Variants in ACAP2 observed in about 807,000 individuals in gnomAD.
The protein encoded by ACAP2 is arf-GAP with coiled-coil, ANK repeat and PH domain-containing protein 2.
ACAP2 carries 39 observed loss-of-function variants against 115.8 expected under a neutral mutation model. The ratio of observed to expected loss-of-function variants is 0.34; its 90% CI spans 0.26 to 0.44. ACAP2 has a LOEUF of 0.44. Among genes scored for constraint, ACAP2 ranks in the 20% least tolerant of loss-of-function variants. The pLI is 1.00. For missense variants in ACAP2, 662 were observed against 927.6 expected (o/e 0.71, Z 3.72); for synonymous variants, 289 against 315.8 (o/e 0.92, Z 0.90).
intron 7 of ACAP2, among the ~76,000 whole-genome samples, chr3:195,334,309 T>C (rs964026307): frequency 1.3e-5 from 2 of 150,832 alleles, no homozygotes; most frequent in African/African-American, 2.4e-5. Flanking sequence ...ATAGTGATCA[T>C]TGAACAAATT....
chr3:195,380,943 T>A, intron 4 of ACAP2, 66 bp downstream of exon 4: 7 of 1,381,986 alleles, frequency 5.1e-6, no homozygotes, highest in Non-Finnish European at 7.0e-6. Flanking sequence ...TCATAAAACA[T>A]TGCGACTCAA....
chr3:195,437,885 CTTTTTTTTTT>C (rs1186712431), intron 1 of ACAP2, among the ~76,000 whole-genome samples: 2 of 90,746 alleles, frequency 2.2e-5, no homozygotes, highest in Non-Finnish European at 4.0e-5. Flanking sequence ...ACTTTACATG[CTTTTTTTTTT>C]TTTTTTTTTT....
chr3:195,420,799 T>C lies in ACAP2; in HGVS notation c.53+21996A>G, dbSNP rs529562666. Among the ~76,000 whole-genome samples the C allele has an allele frequency of 5.7e-4, 86 of 152,116 alleles. 2 individuals carry two copies. Among genetic ancestry groups the C allele is most frequent in the Admixed American group, 5.2e-4 (8 of 15,270 alleles). On this transcript the variant is annotated intron_variant, in intron 1 of 22. Coordinates refer to ENST00000326793, the MANE Select transcript of ACAP2 (RefSeq NM_012287.6). ...AAGGGATTACGGGCACGAGCCACCA[T>C]GCCCAGCTAATTTTTTGTATTTTTA...
chr3:195,281,265 C>T (rs1322760191), intron 22 of ACAP2, among the ~76,000 whole-genome samples: 2 of 151,880 alleles, frequency 1.3e-5, no homozygotes, highest in Non-Finnish European at 2.9e-5. Context: ...ATTAGCCGGG[C>T]GTGGTGGTGG....
intron 9 of ACAP2, among the ~76,000 whole-genome samples, chr3:195,321,791 T>G (rs904182260): frequency 7.9e-5 from 12 of 151,082 alleles, no homozygotes; most frequent in Non-Finnish European, 1.6e-4. Context: ...TTTTGTATTT[T>G]TAGTAGAGAC....
intron 4 of ACAP2, among the ~76,000 whole-genome samples, chr3:195,368,618 C>T (rs893627305): frequency 6.6e-6 from 1 of 152,038 alleles, no homozygotes; most frequent in African/African-American, 2.4e-5. Flanking sequence ...TCGTTGTTTC[C>T]ATAGCATCAT....
At chr3:195,365,439 T>C (rs1021789505) in intron 4 of ACAP2, among the ~76,000 whole-genome samples, 1 of 152,170 alleles carries the variant, frequency 6.6e-6, no homozygotes, top group Non-Finnish European at 1.5e-5. Context: ...GCTAATATTG[T>C]TTTAAAGAAC....
At chr3:195,401,287 A>G (rs927155944) in intron 1 of ACAP2, among the ~76,000 whole-genome samples, 3 of 152,214 alleles carry the variant, frequency 2.0e-5, no homozygotes, top group Admixed American at 6.5e-5. Context: ...TTATTAATAC[A>G]TAATAAAAGT....
chr3:195,310,746 T>C (rs867931890), intron 10 of ACAP2, among the ~76,000 whole-genome samples: 24 of 152,164 alleles, frequency 1.6e-4, no homozygotes, highest in African/African-American at 5.3e-4. Flanking sequence ...ATTATTAACC[T>C]AAGGATCATA....
chr3:195,332,679 C>A (rs917392060), intron 8 of ACAP2, among the ~76,000 whole-genome samples: 2 of 152,118 alleles, frequency 1.3e-5, no homozygotes, highest in Admixed American at 1.3e-4. Context: ...GTCATGGGGG[C>A]GGTTTCCCCC....
chr3:195,295,585 A>G (rs1415022895), intron 17 of ACAP2, 123 bp downstream of exon 17: 5 of 1,018,882 alleles, frequency 4.9e-6, no homozygotes, highest in Non-Finnish European at 7.2e-6. Flanking sequence ...TTTTCTTAGA[A>G]TATGTAGAAG....
At chr3:195,416,939 A>C (rs924861821) in intron 1 of ACAP2, among the ~76,000 whole-genome samples, 1 of 151,936 alleles carries the variant, frequency 6.6e-6, no homozygotes, top group African/African-American at 2.4e-5. Flanking sequence ...TTTTTTTAAG[A>C]GACAGGGTCT....
At chr3:195,399,600 C>T (rs918171713) in intron 1 of ACAP2, among the ~76,000 whole-genome samples, 1 of 147,642 alleles carries the variant, frequency 6.8e-6, no homozygotes, top group Admixed American at 6.8e-5. Flanking sequence ...AAAAAAAAAA[C>T]TTTTTTTAAA....
chr3:195,406,620 T>C (rs1712794702), intron 1 of ACAP2, among the ~76,000 whole-genome samples: 1 of 152,206 alleles, frequency 6.6e-6, no homozygotes, highest in African/African-American at 2.4e-5. Context: ...GGGTAAGCCT[T>C]CTTTTCTTTC....
intron 10 of ACAP2, among the ~76,000 whole-genome samples, chr3:195,317,402 A>G (rs192393667): frequency 9.8e-4 from 149 of 152,330 alleles, no homozygotes; most frequent in African/African-American, 3.4e-3. Context: ...CTCTTCAAGT[A>G]ATAAACACAT....
At chr3:195,368,197 T>C (rs760082329) in intron 4 of ACAP2, among the ~76,000 whole-genome samples, 4 of 152,248 alleles carry the variant, frequency 2.6e-5, no homozygotes, top group Non-Finnish European at 5.9e-5. Flanking sequence ...TCACCCAGAC[T>C]GGAGCGCAGT....
chr3:195,322,657 A>G (rs1729527007), intron 9 of ACAP2, among the ~76,000 whole-genome samples: 1 of 152,168 alleles, frequency 6.6e-6, no homozygotes, highest in South Asian at 2.1e-4. Context: ...TGACGCTACA[A>G]TTTATTTAAT....
intron 1 of ACAP2, among the ~76,000 whole-genome samples, chr3:195,431,044 G>T (rs146801548): frequency 4.3e-4 from 65 of 152,184 alleles, no homozygotes; most frequent in African/African-American, 1.5e-3. Flanking sequence ...ACCACTAATT[G>T]CATTTCCCTC....
chr3:195,331,672 G>T (rs1730176681), intron 8 of ACAP2, among the ~76,000 whole-genome samples: 1 of 151,832 alleles, frequency 6.6e-6, no homozygotes, highest in South Asian at 2.1e-4. Context: ...GACACCTTGA[G>T]AAAGAAAATC....
Sources: allele counts gnomAD v4.1 joint callset (sites outside exome capture counted in the v4.1 genomes callset), GRCh38; gene constraint gnomAD v4.1.1; transcripts MANE v1.5; gene names NCBI Gene and HGNC (gene_info 2026-07-23, HGNC 2026-07-21).